Variants in SLCO5A1 observed in about 807,000 individuals in gnomAD.
SLCO5A1 encodes organic anion transporter polypeptide-related protein 4.
Under a neutral mutation model 65.1 loss-of-function variants are expected in SLCO5A1, and 39 were observed. The observed-to-expected ratio is 0.60, with a 90% CI of 0.46 to 0.78. The LOEUF is 0.78. Ranked by LOEUF, SLCO5A1 falls within the 30% of genes least tolerant of loss-of-function variation. SLCO5A1 has a pLI of 0.00. For missense variants in SLCO5A1, 1,029 were observed against 1,069.4 expected, an observed-to-expected ratio of 0.96 and a Z score of 0.53; for synonymous variants, 438 against 415.7, an observed-to-expected ratio of 1.05 and a Z score of -0.65.
intron 2 of SLCO5A1, among the ~76,000 whole-genome samples, chr8:69,822,477 A>C (rs2130921451): frequency 6.6e-6 from 1 of 152,332 alleles, no homozygotes; most frequent in Non-Finnish European, 1.5e-5. Flanking sequence ...GTTCCTGTTC[A>C]ATGTTTCCCA....
intron 2 of SLCO5A1, among the ~76,000 whole-genome samples, chr8:69,824,612 A>C (rs1232585081): frequency 6.6e-6 from 1 of 152,170 alleles, no homozygotes; most frequent in Non-Finnish European, 1.5e-5. Context: ...CAATAACAGG[A>C]GCTGAAATTG....
At chr8:69,691,976 C>T (rs2959586) in intron 6 of SLCO5A1, among the ~76,000 whole-genome samples, 12,146 of 152,202 alleles carry the variant, frequency 0.08, 562 homozygotes, top group South Asian at 0.17. Flanking sequence ...AGGCCGGACG[C>T]GGTGGCTCAC....
At chr8:69,793,323 A>C (rs1330899345) in intron 2 of SLCO5A1, among the ~76,000 whole-genome samples, 1 of 152,114 alleles carries the variant, frequency 6.6e-6, no homozygotes, top group African/African-American at 2.4e-5. Flanking sequence ...TCTAACTATA[A>C]AGTAACTTAA....
rs985672606 is a variant in SLCO5A1 at position 69,669,708 on chromosome 8, C to T, written c.*3161G>A. The T allele has an allele frequency of 5.3e-5, 8 of 151,840 alleles. No homozygotes were observed. The highest frequency in any genetic ancestry group is 1.9e-4 in the African/African-American group (8 of 41,288). 9.4% of individuals were successfully genotyped at this position (151,840 alleles called of 1,614,324 possible). A position where few individuals can be genotyped will look rare whatever the true frequency, so the allele number is the denominator to read the frequency against. On this transcript the variant is annotated 3_prime_UTR_variant, in exon 10 of 10. Transcript: ENST00000260126. ...GGCACACACCTTAATCCCAGTTCCT[C>T]AGGAGACTGAAACAGGAGAATCACT...
chr8:69,673,782 C>T (rs1328358107), intron 9 of SLCO5A1, among the ~76,000 whole-genome samples: 2 of 152,188 alleles, frequency 1.3e-5, no homozygotes, highest in East Asian at 1.9e-4. Context: ...GTGGGTTGGG[C>T]TTTAGTCCTT....
chr8:69,765,773 T>C (rs17730687), intron 2 of SLCO5A1, among the ~76,000 whole-genome samples: 4,851 of 152,226 alleles, frequency 0.032, 141 homozygotes, highest in Middle Eastern at 0.071. Context: ...AGCACAGGCC[T>C]AGGTGGAACC....
At chr8:69,755,692 G>A (rs1222887012) in intron 3 of SLCO5A1, 51 bp from the exon 4 acceptor site, 1 of 1,495,472 alleles carries the variant, frequency 6.7e-7, no homozygotes, top group East Asian at 2.3e-5. Flanking sequence ...TTTTGTGAGT[G>A]AGAACAAATT....
chr8:69,779,400 A>G (rs1471599126), intron 2 of SLCO5A1, among the ~76,000 whole-genome samples: 5 of 152,220 alleles, frequency 3.3e-5, no homozygotes, highest in African/African-American at 4.8e-5. Flanking sequence ...CTATTTGCAT[A>G]AAAAGAAAAT....
chr8:69,676,946 AGCTGGAAT>A (rs1425766225), intron 8 of SLCO5A1, among the ~76,000 whole-genome samples: 1 of 152,220 alleles, frequency 6.6e-6, no homozygotes, highest in African/African-American at 2.4e-5. Flanking sequence ...TGGCTGAAGA[AGCTGGAAT>A]GCCTCTAACT....
At chr8:69,711,020 C>T (rs375223888) in intron 5 of SLCO5A1, among the ~76,000 whole-genome samples, 7 of 152,016 alleles carry the variant, frequency 4.6e-5, no homozygotes, top group East Asian at 1.9e-4. Context: ...CTGTCCCCCC[C>T]ACTCAAAGCC....
chr8:69,701,693 C>A (rs540535296), intron 6 of SLCO5A1, among the ~76,000 whole-genome samples: 1 of 152,274 alleles, frequency 6.6e-6, no homozygotes, highest in African/African-American at 2.4e-5. Context: ...CAATGTACTT[C>A]TTAAATGTAT....
chr8:69,679,847 T>C (rs1312108326), intron 7 of SLCO5A1, among the ~76,000 whole-genome samples: 1 of 152,226 alleles, frequency 6.6e-6, no homozygotes, highest in Non-Finnish European at 1.5e-5. Flanking sequence ...TAAACTTTTC[T>C]AAGAAGCTTT....
chr8:69,799,477 G>C (rs532829594), intron 2 of SLCO5A1, among the ~76,000 whole-genome samples: 27 of 152,036 alleles, frequency 1.8e-4, no homozygotes, highest in Admixed American at 1.8e-3. Flanking sequence ...AGTAATGCAC[G>C]ATATGCTATT....
At position 69,672,965 on chromosome 8, in the gene SLCO5A1, T is replaced by G; in HGVS notation, c.2451A>C (p.Ala817=). The change falls in exon 10 of 10, where the codon GCA becomes GCC. Residue 817 remains alanine, a synonymous_variant. Coordinates refer to ENST00000260126, the MANE Select transcript of SLCO5A1 (RefSeq NM_030958.3). The part of the protein sequence containing the change: ...ETGLQKGIQC[A]AQTYPGPFPE... ...GGAAGGGCCCCGGGTAGGTCTGTGCTGCGCACTGGATCCCTTTTTGCAGGC... is the reference window on the plus strand; with the variant it reads ...GGAAGGGCCCCGGGTAGGTCTGTGCGGCGCACTGGATCCCTTTTTGCAGGC... 1 of 1,614,244 alleles carries G rather than the reference T, an allele frequency of 6.2e-7. No homozygotes were observed. The highest frequency in any genetic ancestry group is 2.2e-5 in the East Asian group (1 of 44,866).
chr8:69,705,174 T>C lies in SLCO5A1; in HGVS notation c.1479A>G (p.Ile493Met), dbSNP rs763069042. 3.7e-6 allele frequency: 6 copies of C among 1,614,206 alleles called. No homozygotes were observed. In the South Asian group the frequency reaches 6.6e-5, roughly 18 times the overall value. ...CTCTGGCACCAAGTTTCAATTTTTT[T>C]ATAATGTAGCCTCCGAGGACAATAC... is the stretch of plus-strand genomic sequence containing the variant. ...GVGIVLGGYI[I>M]KKLKLGARES... The change falls in exon 6 of 10, where the codon ATA becomes ATG. Residue 493 changes from isoleucine to methionine, a missense_variant. Ile to Met is a conservative substitution (Grantham distance 10). This residue lies in a region of SLCO5A1 where 647 missense variants were observed against 647.5 expected (regional missense o/e 1.00). Transcript: ENST00000260126.
intron 2 of SLCO5A1, among the ~76,000 whole-genome samples, chr8:69,792,447 T>A (rs956628301): frequency 8.5e-5 from 13 of 152,168 alleles, no homozygotes; most frequent in Admixed American, 2.6e-4. Flanking sequence ...GCTTTCAATG[T>A]CGAGCCAGGA....
At chr8:69,726,507 T>A (rs1239648930) in intron 5 of SLCO5A1, among the ~76,000 whole-genome samples, 1 of 148,758 alleles carries the variant, frequency 6.7e-6, no homozygotes, top group Admixed American at 6.6e-5. Context: ...TTTTTTTTTT[T>A]TTTTTTTGGG....
chr8:69,819,151 T>G (rs527980217), intron 2 of SLCO5A1, among the ~76,000 whole-genome samples: 1 of 152,180 alleles, frequency 6.6e-6, no homozygotes, highest in East Asian at 1.9e-4. Context: ...TCTTACCTTC[T>G]CTCTGCCGCC....
At chr8:69,775,416 A>G (rs557396972) in intron 2 of SLCO5A1, among the ~76,000 whole-genome samples, 4 of 152,188 alleles carry the variant, frequency 2.6e-5, no homozygotes, top group Non-Finnish European at 5.9e-5. Context: ...ATCCATATAT[A>G]ACAAACCTGC....
Sources: gnomAD v4.1 joint callset for allele counts (sites outside exome capture counted in the v4.1 genomes callset) on GRCh38, gnomAD v4.1.1 for gene constraint, gnomAD v4.1.1 regional missense constraint, MANE v1.5 for transcripts, NCBI Gene and HGNC (gene_info 2026-07-23, HGNC 2026-07-21) for gene names.